Variants in GNAO1 observed in about 807,000 individuals in gnomAD.
The protein encoded by GNAO1 is G protein subunit alpha o1.
For synonymous variants in GNAO1, 164 were observed against 180.7 expected (o/e 0.91, Z 0.74); for missense variants, 166 against 478.7 (o/e 0.35, Z 6.10).
At chr16:56,256,686 GTCTCTCTCTCTC>G (rs1172369417) in intron 2 of GNAO1, among the ~76,000 whole-genome samples, 158 of 136,502 alleles carry the variant, frequency 1.2e-3, no homozygotes, top group South Asian at 8.3e-3. Context: ...CTTTCTCTCT[GTCTCTCTCTCTC>G]TCTCTCTCTC....
intron 6 of GNAO1, chr16:56,348,218 G>T (rs1483865261): frequency 2.0e-6 from 2 of 984,032 alleles, no homozygotes; most frequent in Non-Finnish European, 2.4e-6. Flanking sequence ...GTGATGTGTT[G>T]TCAGGGCCCA....
intron 2 of GNAO1, among the ~76,000 whole-genome samples, chr16:56,202,409 A>AT (rs1269891383): frequency 1.3e-4 from 20 of 152,230 alleles, no homozygotes. Context: ...ACAGAAAAAA[A>AT]GGAGTGAGAG....
At chr16:56,224,829 C>T (rs1434899067) in intron 2 of GNAO1, among the ~76,000 whole-genome samples, 1 of 152,230 alleles carries the variant, frequency 6.6e-6, no homozygotes, top group African/African-American at 2.4e-5. Context: ...GGGCATTTGG[C>T]TCCTTGGGAC....
intron 3 of GNAO1, among the ~76,000 whole-genome samples, chr16:56,305,525 T>C (rs1179485539): frequency 6.6e-6 from 1 of 151,556 alleles, no homozygotes; most frequent in Non-Finnish European, 1.5e-5. Flanking sequence ...AGGCCCCTAG[T>C]GGAAATGAGG....
At chr16:56,294,294 T>G (rs140945686) in intron 3 of GNAO1, among the ~76,000 whole-genome samples, 3 of 149,622 alleles carry the variant, frequency 2.0e-5, no homozygotes, top group Admixed American at 6.7e-5. Flanking sequence ...TCTCACAGAA[T>G]GTGGGGGCTG....
chr16:56,337,680 G>A (rs1052406673), intron 6 of GNAO1, among the ~76,000 whole-genome samples: 1 of 151,040 alleles, frequency 6.6e-6, no homozygotes, highest in African/African-American at 2.5e-5. Context: ...TGTTGGCAGT[G>A]GGGTGGGTGA....
At chr16:56,343,739 A>ACACCTTGCC in intron 6 of GNAO1, 1 of 1,599,256 alleles carries the variant, frequency 6.3e-7, no homozygotes, top group African/African-American at 1.3e-5. Flanking sequence ...TCGCCTCACC[A>ACACCTTGCC]CACCTTGCCT....
chr16:56,194,506 C>A, intron 2 of GNAO1: 1 of 311,516 alleles, frequency 3.2e-6, no homozygotes, highest in Non-Finnish European at 6.4e-6. Context: ...CAGCCGAGGC[C>A]GGAAAAGTCG....
chr16:56,247,385 C>T (rs1424501844), intron 2 of GNAO1, among the ~76,000 whole-genome samples: 2 of 152,214 alleles, frequency 1.3e-5, no homozygotes, highest in East Asian at 3.9e-4. Flanking sequence ...CTCCACTCAG[C>T]TGTACTTCCT....
intron 3 of GNAO1, among the ~76,000 whole-genome samples, chr16:56,317,976 A>G (rs755144273): frequency 7.9e-5 from 12 of 152,202 alleles, no homozygotes; most frequent in Non-Finnish European, 1.6e-4. Context: ...AAGCGAGGAA[A>G]GAGCCCCAGC....
chr16:56,199,741 T>C (rs545855934), intron 2 of GNAO1, among the ~76,000 whole-genome samples: 1 of 152,288 alleles, frequency 6.6e-6, no homozygotes, highest in South Asian at 2.1e-4. Context: ...AAGAGAAACT[T>C]AGAAGCCTGA....
intron 2 of GNAO1, among the ~76,000 whole-genome samples, chr16:56,227,176 A>G (rs1220080162): frequency 6.6e-6 from 1 of 152,192 alleles, no homozygotes; most frequent in Non-Finnish European, 1.5e-5. Context: ...AACAAGAAGA[A>G]GAAGAAAGAG....
intron 2 of GNAO1, among the ~76,000 whole-genome samples, chr16:56,238,645 G>T (rs1334350982): frequency 1.3e-5 from 2 of 152,232 alleles, no homozygotes; most frequent in Non-Finnish European, 2.9e-5. Context: ...CTCTTTCCAC[G>T]CTGCAGGGTA....
chr16:56,233,523 G>A (rs2036610316), intron 2 of GNAO1, among the ~76,000 whole-genome samples: 1 of 152,208 alleles, frequency 6.6e-6, no homozygotes, highest in Non-Finnish European at 1.5e-5. Flanking sequence ...TGAGAAGCCA[G>A]CACCCATAAG....
intron 2 of GNAO1, among the ~76,000 whole-genome samples, chr16:56,271,883 G>A (rs1257705921): frequency 6.6e-6 from 1 of 152,166 alleles, no homozygotes; most frequent in Non-Finnish European, 1.5e-5. Flanking sequence ...GGGACACACA[G>A]CTCATCCTGT....
chr16:56,281,585 TCCC>T (rs1229641174), intron 3 of GNAO1, among the ~76,000 whole-genome samples: 2 of 151,680 alleles, frequency 1.3e-5, no homozygotes, highest in African/African-American at 2.4e-5. Flanking sequence ...TCCTTCTCAG[TCCC>T]CTTTTCCTCC....
intron 3 of GNAO1, among the ~76,000 whole-genome samples, chr16:56,284,290 C>A (rs1046585335): frequency 6.6e-6 from 1 of 152,186 alleles, no homozygotes; most frequent in Non-Finnish European, 1.5e-5. Context: ...GAAATTCTAG[C>A]TCTCCAGGGC....
intron 2 of GNAO1, among the ~76,000 whole-genome samples, chr16:56,248,895 G>A (rs1180994112): frequency 6.6e-6 from 1 of 152,226 alleles, no homozygotes; most frequent in Non-Finnish European, 1.5e-5. Flanking sequence ...CCCATGGGAA[G>A]TGTTGATCTC....
rs1313362219 is a variant in GNAO1 at position 56,334,648 on chromosome 16, C to CTCGGTCCAG, written c.465-79_465-78insGGTCCAGTC. 11 of 1,474,104 alleles carry CTCGGTCCAG rather than the reference C, an allele frequency of 7.5e-6. No homozygotes were observed. The South Asian group carries it at 1.1e-4, about 15-fold the overall frequency. 91.3% of individuals were successfully genotyped at this position (1,474,104 alleles called of 1,614,324 possible). ...TGGAGGGGCCCTGACCGAGACTGGA[C>CTCGGTCCAG]TCTGAAGATGGGTGGCCTGGCCAGT... On this transcript the variant is annotated intron_variant, in intron 4 of 8. Transcript: ENST00000262493.
Sources: gnomAD v4.1 joint callset for allele counts (sites outside exome capture counted in the v4.1 genomes callset) on GRCh38, gnomAD v4.1.1 for gene constraint, MANE v1.5 for transcripts, NCBI Gene and HGNC (gene_info 2026-07-23, HGNC 2026-07-21) for gene names.